The following ATF7IP2 variants were observed in gnomAD, a reference collection of about 807,000 sequenced individuals.
ATF7IP2 encodes activating transcription factor 7 interacting protein 2.
Under a neutral mutation model 64.2 loss-of-function variants are expected in ATF7IP2, and 42 were observed. The observed-to-expected ratio is 0.65, with a 90% CI of 0.51 to 0.85. The LOEUF is 0.85. Ranked by LOEUF, ATF7IP2 falls within the 40% of genes least tolerant of loss-of-function variation. The pLI is 0.00. For missense variants in ATF7IP2, 933 were observed against 784.2 expected (o/e 1.19, Z -2.27); for synonymous variants, 308 against 272.8 (o/e 1.13, Z -1.27).
intron 12 of ATF7IP2, among the ~76,000 whole-genome samples, chr16:10,479,275 G>A (rs1265886871): frequency 3.3e-5 from 5 of 150,930 alleles, no homozygotes; most frequent in Non-Finnish European, 7.4e-5. Flanking sequence ...TGATAGACTG[G>A]ATTAAGAAAA....
At chr16:10,402,316 T>C (rs553484466) in intron 1 of ATF7IP2, among the ~76,000 whole-genome samples, 21 of 152,068 alleles carry the variant, frequency 1.4e-4, no homozygotes, top group Non-Finnish European at 5.9e-5. Flanking sequence ...TTAATACCCA[T>C]ATTCATTTTT....
intron 11 of ATF7IP2, 54 bp downstream of exon 11, chr16:10,473,588 G>A: frequency 3.1e-6 from 4 of 1,283,260 alleles, no homozygotes; most frequent in Non-Finnish European, 4.4e-6. Flanking sequence ...GTTAGTTCAA[G>A]GAACTTTAGT....
At chr16:10,479,141 C>G (rs2050119546) in intron 12 of ATF7IP2, among the ~76,000 whole-genome samples, 1 of 150,300 alleles carries the variant, frequency 6.7e-6, no homozygotes, top group Admixed American at 6.6e-5. Flanking sequence ...CCCAGCCATC[C>G]CATTACTGGG....
intron 1 of ATF7IP2, among the ~76,000 whole-genome samples, chr16:10,401,167 A>T (rs1411925561): frequency 6.6e-6 from 1 of 151,856 alleles, no homozygotes; most frequent in African/African-American, 2.4e-5. Flanking sequence ...GTTTATTTTT[A>T]TTTATTTATT....
intron 8 of ATF7IP2, among the ~76,000 whole-genome samples, chr16:10,452,437 G>A (rs752685555): frequency 6.6e-6 from 1 of 152,214 alleles, no homozygotes; most frequent in African/African-American, 2.4e-5. Context: ...AGCAGAGGCT[G>A]CAGAACAGCA....
intron 1 of ATF7IP2, among the ~76,000 whole-genome samples, chr16:10,398,551 ATC>A (rs1221929463): frequency 5.9e-5 from 9 of 152,166 alleles, no homozygotes; most frequent in Admixed American, 2.0e-4. Context: ...AGATAACAGA[ATC>A]AACCTGTTTA....
In ATF7IP2 at chr16:10,483,194, G is replaced by T. The variant is rs963723270; in HGVS notation, c.*945G>T. On this transcript the variant is annotated 3_prime_UTR_variant, in exon 14 of 14. Transcript: ENST00000562102. ...GTAGACATAATAAAATTTGTGTGCT[G>T]TGTACACAAAAACATAATGTATCTT... 1 of 152,154 alleles carries T rather than the reference G, an allele frequency of 6.6e-6. No homozygotes were observed. The highest frequency in any genetic ancestry group is 1.5e-5 in the Non-Finnish European group (1 of 68,026). 9.4% of individuals were successfully genotyped at this position (152,154 alleles called of 1,614,324 possible). A position where few individuals can be genotyped will look rare whatever the true frequency, so the allele number is the denominator to read the frequency against.
rs2141824723 is a variant in ATF7IP2 at position 10,414,603 on chromosome 16, T to A, written c.-212T>A. ...ATCAGGGATTTCTTCTTGGTTTGGATCCACTGCTGGTGAGCTAGTGTGATT... is the reference window on the plus strand; with the variant it reads ...ATCAGGGATTTCTTCTTGGTTTGGAACCACTGCTGGTGAGCTAGTGTGATT... On this transcript the variant is annotated 5_prime_UTR_variant, in exon 2 of 14. Transcript: ENST00000562102. The A allele has an allele frequency of 7.1e-6, 1 of 141,170 alleles. No homozygotes were observed. The highest frequency in any genetic ancestry group is 2.2e-4 in the East Asian group (1 of 4,540). The allele number at this position is 141,170 out of a possible 1,614,324, so 8.7% of individuals were successfully genotyped here. A position where few individuals can be genotyped will look rare whatever the true frequency, so the allele number is the denominator to read the frequency against.
In ATF7IP2 at chr16:10,431,357, A is replaced by G; in HGVS notation, c.737A>G (p.Asp246Gly). The part of the protein sequence containing the change: ...VNSVTSNNCA[D>G]DILKTDECSR... ...TCAGTCACTTCTAACAACTGTGCTG[A>G]TGACATTTTGAAAACTGATGAGTGT... Residue 246 changes from aspartate to glycine, a missense_variant, in exon 5 of 14, where the codon GAT becomes GGT. Transcript: ENST00000562102. 6.2e-7 allele frequency: 1 copy of G among 1,614,230 alleles called. No individual in the cohort carries two copies. Among genetic ancestry groups the G allele is most frequent in the Non-Finnish European group, 8.5e-7 (1 of 1,180,024 alleles).
chr16:10,393,617 G>C (rs75243905), intron 1 of ATF7IP2, among the ~76,000 whole-genome samples: 1 of 152,150 alleles, frequency 6.6e-6, no homozygotes, highest in East Asian at 1.9e-4. Context: ...GTTTAAGGTA[G>C]GCTTAGGTTT....
intron 1 of ATF7IP2, among the ~76,000 whole-genome samples, chr16:10,411,701 C>G (rs2047763091): frequency 6.6e-6 from 1 of 152,100 alleles, no homozygotes; most frequent in South Asian, 2.1e-4. Context: ...CCATGTCAAT[C>G]TCACTGTATG....
At position 10,423,230 on chromosome 16, in the gene ATF7IP2, T is replaced by G. The variant is rs1481571342; in HGVS notation, c.-160+3607T>G. ...CTGCACTCCAGCCTGGGTGACAGAG[T>G]GAGACTCCATCAAATAAATAAATAA... On this transcript the variant is annotated intron_variant, in intron 3 of 13. Coordinates refer to ENST00000562102, the MANE Select transcript of ATF7IP2 (RefSeq NM_001393719.1). Among the ~76,000 whole-genome samples the G allele has an allele frequency of 2.0e-5, 3 of 151,930 alleles. No individual in the cohort carries two copies. The East Asian group carries it at 5.8e-4, about 29-fold the overall frequency.
intron 1 of ATF7IP2, among the ~76,000 whole-genome samples, chr16:10,396,789 A>G (rs2047428835): frequency 6.6e-6 from 1 of 151,382 alleles, no homozygotes; most frequent in African/African-American, 2.4e-5. Flanking sequence ...AGCTGGGACA[A>G]GAGGCACGTG....
At chr16:10,411,411 T>C (rs557754267) in intron 1 of ATF7IP2, among the ~76,000 whole-genome samples, 2 of 152,020 alleles carry the variant, frequency 1.3e-5, no homozygotes, top group African/African-American at 4.8e-5. Context: ...GTTTTGTTTT[T>C]TTGAGACAGA....
At chr16:10,476,190 ACT>A (rs2050001975) in intron 12 of ATF7IP2, among the ~76,000 whole-genome samples, 2 of 152,332 alleles carry the variant, frequency 1.3e-5, no homozygotes, top group Admixed American at 6.5e-5. Context: ...AGCTGAACAG[ACT>A]CTCTAAAATA....
chr16:10,425,785 C>G (rs577947541), intron 3 of ATF7IP2, among the ~76,000 whole-genome samples: 9 of 151,796 alleles, frequency 5.9e-5, no homozygotes, highest in South Asian at 4.2e-4. Flanking sequence ...CCCAGCTGTT[C>G]GTGAGGCTGA....
At chr16:10,480,462 C>A (rs2050181770) in intron 12 of ATF7IP2, among the ~76,000 whole-genome samples, 1 of 151,934 alleles carries the variant, frequency 6.6e-6, no homozygotes. Context: ...GGAGCACAGA[C>A]CTCATTAGTT....
intron 3 of ATF7IP2, among the ~76,000 whole-genome samples, chr16:10,423,042 A>C (rs1263526624): frequency 6.6e-6 from 1 of 152,236 alleles, no homozygotes; most frequent in Non-Finnish European, 1.5e-5. Flanking sequence ...CAGGAGATCA[A>C]GACCATCCTG....
intron 1 of ATF7IP2, among the ~76,000 whole-genome samples, chr16:10,406,636 T>C (rs944582323): frequency 6.6e-6 from 1 of 152,214 alleles, no homozygotes; most frequent in Non-Finnish European, 1.5e-5. Flanking sequence ...TGAGCAACTT[T>C]GTAGGCCAAT....
Sources: allele counts gnomAD v4.1 joint callset (sites outside exome capture counted in the v4.1 genomes callset), GRCh38; gene constraint gnomAD v4.1.1; transcripts MANE v1.5; gene names NCBI Gene and HGNC (gene_info 2026-07-23, HGNC 2026-07-21).